TLE1: variants seen among roughly 807,000 people sequenced by gnomAD.
TLE1 encodes the protein TLE family member 1, transcriptional corepressor.
TLE1 carries 21 observed loss-of-function variants against 89.8 expected under a neutral mutation model. The observed-to-expected ratio is 0.23, with a 90% CI of 0.17 to 0.34. The LOEUF (loss-of-function observed/expected upper bound fraction) is 0.34, where lower values mean the gene tolerates loss of function less well. Among genes scored for constraint, TLE1 ranks in the 10% least tolerant of loss-of-function variants. The probability of loss-of-function intolerance (pLI) is 1.00; values close to 1 mark genes in which losing one functional copy is unlikely to be tolerated. For missense variants in TLE1, 795 were observed against 1,031.2 expected, an observed-to-expected ratio of 0.77 and a Z score of 3.14; for synonymous variants, 447 against 407.6, an observed-to-expected ratio of 1.10 and a Z score of -1.16.
rs551270516 is a variant in TLE1, at chr9:81,654,056, C to T, written c.235-20G>A. ...TTCAGTCTATAAAGACAAAGCCACA[C>T]AAATGTTTAGAATACTTCACAATCA... On this transcript the variant is annotated intron_variant, in intron 4 of 19. Coordinates refer to ENST00000376499, the MANE Select transcript of TLE1 (RefSeq NM_005077.5). 4 of 1,613,268 alleles carry T rather than the reference C, an allele frequency of 2.5e-6. No homozygotes were observed. The highest frequency in any genetic ancestry group is 1.3e-5 in the African/African-American group (1 of 75,028).
intron 11 of TLE1, among the ~76,000 whole-genome samples, chr9:81,615,582 G>A (rs192481598): frequency 1.4e-4 from 21 of 149,582 alleles, no homozygotes; most frequent in African/African-American, 3.2e-4. Context: ...GCATGGTCGC[G>A]CGCGCCTGTA....
chr9:81,641,976 C>A (rs771108625), intron 6 of TLE1, among the ~76,000 whole-genome samples: 4 of 151,956 alleles, frequency 2.6e-5, no homozygotes, highest in Non-Finnish European at 2.9e-5. Context: ...AAGCGGAGAT[C>A]GCGCCATTGC....
chr9:81,611,753 C>T lies in TLE1; in HGVS notation c.1254+16G>A. The T allele has an allele frequency of 6.7e-7, 1 of 1,500,338 alleles. No individual in the cohort carries two copies. The highest frequency in any genetic ancestry group is 8.8e-7 in the Non-Finnish European group (1 of 1,132,792). The allele number at this position is 1,500,338 out of a possible 1,614,324, so 92.9% of individuals were successfully genotyped here. On this transcript the variant is annotated intron_variant, in intron 13 of 19. Coordinates refer to ENST00000376499, the MANE Select transcript of TLE1 (RefSeq NM_005077.5). ...GCGTTCCTACCCCAACCACAGCCCACCCGACAGCGGCCTACCATGGGGGAG... is the reference window on the plus strand; with the variant it reads ...GCGTTCCTACCCCAACCACAGCCCATCCGACAGCGGCCTACCATGGGGGAG...
Position 81,611,938 on chromosome 9 carries a change from A to G in TLE1, c.1085T>C (p.Leu362Pro). The G allele has an allele frequency of 6.8e-7, 1 of 1,471,830 alleles. No individual in the cohort carries two copies. Among genetic ancestry groups the G allele is most frequent in the Non-Finnish European group, 9.0e-7 (1 of 1,112,414 alleles). 91.2% of individuals were successfully genotyped at this position (1,471,830 alleles called of 1,614,324 possible). The change falls in exon 13 of 20, where the codon CTG becomes CCG. Residue 362 changes from leucine (L) to proline (P), a missense_variant. Transcript: ENST00000376499. ...AGCAGGATATGGGCCGGGCACTGCC[A>G]GGGGTGTCCTCAAGCCAGCTGCTGA... ...NQAAAGLRTP[L>P]AVPGPYPAPF... is the part of the protein sequence containing the mutation.
intron 17 of TLE1, among the ~76,000 whole-genome samples, chr9:81,587,211 G>T (rs1330399574): frequency 6.6e-6 from 1 of 152,064 alleles, no homozygotes; most frequent in African/African-American, 2.4e-5. Context: ...GCATTTTTTT[G>T]AGCTCTCTGG....
At chr9:81,606,288 T>A (rs1474647788) in intron 14 of TLE1, among the ~76,000 whole-genome samples, 5 of 152,222 alleles carry the variant, frequency 3.3e-5, no homozygotes, top group Non-Finnish European at 7.3e-5. Context: ...CCCAAAGGAT[T>A]ATAAATCATG....
Position 81,585,560 on chromosome 9 carries a change from C to T in TLE1, c.2073G>A (p.Lys691=). The T allele has an allele frequency of 1.9e-6, 3 of 1,614,164 alleles. No homozygotes were observed. The highest frequency in any genetic ancestry group is 1.1e-5 in the South Asian group (1 of 91,082). The change falls in exon 18 of 20, where the codon AAG becomes AAA. Residue 691 remains lysine, a synonymous_variant. Coordinates refer to ENST00000376499, the MANE Select transcript of TLE1 (RefSeq NM_005077.5). ...VEVLHVNKPD[K]YQLHLHESCV... ...AGCTCTCATGCAGGTGCAGCTGGTA[C>T]TTGTCAGGCTTGTTCACGTGCAGCA...
At chr9:81,641,280 G>C (rs1327532361) in intron 6 of TLE1, among the ~76,000 whole-genome samples, 2 of 152,116 alleles carry the variant, frequency 1.3e-5, no homozygotes, top group Non-Finnish European at 2.9e-5. Flanking sequence ...GAGCTGTCTG[G>C]CAGCAGAAAA....
At chr9:81,621,949 C>G (rs991395746) in intron 8 of TLE1, among the ~76,000 whole-genome samples, 1 of 152,158 alleles carries the variant, frequency 6.6e-6, no homozygotes, top group Non-Finnish European at 1.5e-5. Flanking sequence ...GAGGGACCAA[C>G]GCAATTCAAT....
At chr9:81,670,727 T>TA (rs57800121) in intron 4 of TLE1, among the ~76,000 whole-genome samples, 109,013 of 147,272 alleles carry the variant, frequency 0.74, 40,529 homozygotes, top group East Asian at 0.82. Flanking sequence ...AAAAAAAAAT[T>TA]AAAAAAAAAA....
chr9:81,655,305 G>C (rs535256819), intron 4 of TLE1, among the ~76,000 whole-genome samples: 1 of 152,234 alleles, frequency 6.6e-6, no homozygotes, highest in African/African-American at 2.4e-5. Flanking sequence ...GCAGGCTGCA[G>C]TGAGCCGAGA....
rs777213252 is a variant in TLE1 at position 81,585,492 on chromosome 9, C to A, written c.2128+13G>T. 1.9e-6 allele frequency: 3 copies of A among 1,610,168 alleles called. No individual in the cohort carries two copies. Among genetic ancestry groups the A allele is most frequent in the Non-Finnish European group, 2.5e-6 (3 of 1,177,708 alleles). Reference sequence around the variant, plus strand: ...CCATCAACGGCCTCCAGTTTCCTTTCGGCTGAACTCACCACAGTAAGCAAA... The same window carrying A: ...CCATCAACGGCCTCCAGTTTCCTTTAGGCTGAACTCACCACAGTAAGCAAA... On this transcript the variant is annotated intron_variant, in intron 18 of 19. Transcript: ENST00000376499.
chr9:81,687,283 A>G (rs914139328), intron 2 of TLE1, 51 bp downstream of exon 2: 1 of 1,514,362 alleles, frequency 6.6e-7, no homozygotes, highest in Non-Finnish European at 9.0e-7. Flanking sequence ...GCTGGGTGCA[A>G]GGGGCACCGG....
chr9:81,629,529 A>G (rs7856583), intron 8 of TLE1, among the ~76,000 whole-genome samples: 104,526 of 152,108 alleles, frequency 0.69, 37,452 homozygotes, highest in East Asian at 0.94. Context: ...GAAACTTTAA[A>G]GCAGTTTCCA....
chr9:81,667,298 A>G (rs1831592568), intron 4 of TLE1, among the ~76,000 whole-genome samples: 1 of 149,034 alleles, frequency 6.7e-6, no homozygotes, highest in South Asian at 2.2e-4. Context: ...CAGAAGGCTG[A>G]GGTACAAGAA....
chr9:81,621,552 A>G (rs1326886640), intron 8 of TLE1, among the ~76,000 whole-genome samples: 1 of 152,252 alleles, frequency 6.6e-6, no homozygotes, highest in East Asian at 1.9e-4. Flanking sequence ...CAGGGCCAAC[A>G]GACAATTATG....
At chr9:81,662,474 T>C (rs573038462) in intron 4 of TLE1, among the ~76,000 whole-genome samples, 80 of 151,014 alleles carry the variant, frequency 5.3e-4, no homozygotes, top group Non-Finnish European at 1.0e-3. Context: ...GGTGGGTGGA[T>C]CACCTGAGGT....
chr9:81,593,358 G>A, intron 14 of TLE1, 84 bp from the exon 15 acceptor site: 1 of 1,424,952 alleles, frequency 7.0e-7, no homozygotes. Flanking sequence ...CTACGACTAT[G>A]AAAAAGATGA....
chr9:81,616,544 C>A, intron 10 of TLE1, 102 bp downstream of exon 10: 1 of 1,211,206 alleles, frequency 8.3e-7, no homozygotes, highest in Non-Finnish European at 1.2e-6. Context: ...TGCAAGAGGT[C>A]CCCCCACCGA....
Sources: gnomAD v4.1 joint callset for allele counts (sites outside exome capture counted in the v4.1 genomes callset) on GRCh38, gnomAD v4.1.1 for gene constraint, MANE v1.5 for transcripts, NCBI Gene and HGNC (gene_info 2026-07-23, HGNC 2026-07-21) for gene names.